The following SMURF1 variants were observed in gnomAD, a reference collection of about 807,000 sequenced individuals.
The protein encoded by SMURF1 is SMAD specific E3 ubiquitin protein ligase 1.
In SMURF1, 44 loss-of-function variants were observed where a neutral mutation model predicts 98.0. The observed-to-expected ratio is 0.45, with a 90% CI of 0.35 to 0.58. The LOEUF is 0.58. SMURF1 is among the 20% of genes least tolerant of loss of function. The pLI, the probability that SMURF1 is intolerant of heterozygous loss-of-function variation, is 0.00. For missense variants in SMURF1, 687 were observed against 938.4 expected, an observed-to-expected ratio of 0.73 and a Z score of 3.50; for synonymous variants, 396 against 374.9, an observed-to-expected ratio of 1.06 and a Z score of -0.65.
chr7:99,141,927 A>G (rs1798127241), intron 1 of SMURF1, among the ~76,000 whole-genome samples: 1 of 152,234 alleles, frequency 6.6e-6, no homozygotes, highest in African/African-American at 2.4e-5. Context: ...GGGGATTAGA[A>G]TGAACTTTTT....
intron 1 of SMURF1, among the ~76,000 whole-genome samples, chr7:99,089,087 C>T (rs1796745867): frequency 6.6e-6 from 1 of 151,968 alleles, no homozygotes; most frequent in Admixed American, 6.5e-5. Context: ...GCCTGTAATC[C>T]CAGCTACTCA....
intron 1 of SMURF1, among the ~76,000 whole-genome samples, chr7:99,129,256 C>G (rs1400787811): frequency 6.6e-6 from 1 of 152,192 alleles, no homozygotes; most frequent in Non-Finnish European, 1.5e-5. Context: ...AAGCGGTCAT[C>G]TTAGATTCAT....
chr7:99,037,052 A>C lies in SMURF1; in HGVS notation c.1809+15T>G, dbSNP rs1044981115. On this transcript the variant is annotated intron_variant, in intron 15 of 17. Coordinates refer to ENST00000361368, the MANE Select transcript of SMURF1 (RefSeq NM_181349.3). ...CAGGGACGCCCTGGGTCGACTCCGC[A>C]CAGCAGGCACATACCTCCAGTTCCT... 1.2e-6 allele frequency: 2 copies of C among 1,613,466 alleles called. No homozygotes were observed. Among genetic ancestry groups the C allele is most frequent in the African/African-American group, 2.7e-5 (2 of 75,040 alleles).
chr7:99,093,745 A>G (rs750968334), intron 1 of SMURF1, among the ~76,000 whole-genome samples: 76 of 152,052 alleles, frequency 5.0e-4, no homozygotes, highest in Non-Finnish European at 4.7e-4. Flanking sequence ...GGCACTCTAT[A>G]TATGCACTTT....
At chr7:99,070,484 C>T (rs891023538) in intron 1 of SMURF1, among the ~76,000 whole-genome samples, 1 of 152,176 alleles carries the variant, frequency 6.6e-6, no homozygotes, top group African/African-American at 2.4e-5. Context: ...CTTTGCAGAG[C>T]CTGAAATTAA....
At chr7:99,057,665 T>G (rs781154944) in intron 3 of SMURF1, 114 bp from the exon 4 acceptor site, 306 of 1,269,634 alleles carry the variant, frequency 2.4e-4, no homozygotes, top group Non-Finnish European at 2.8e-4. Flanking sequence ...AGTGCAGTTG[T>G]GTGATCTCAG....
chr7:99,092,356 T>C (rs1007556458), intron 1 of SMURF1, among the ~76,000 whole-genome samples: 2 of 152,248 alleles, frequency 1.3e-5, no homozygotes, highest in African/African-American at 4.8e-5. Flanking sequence ...TCATTATTCC[T>C]GGATTCTGTA....
intron 1 of SMURF1, among the ~76,000 whole-genome samples, chr7:99,140,687 G>T (rs1798100640): frequency 6.6e-6 from 1 of 152,168 alleles, no homozygotes; most frequent in Non-Finnish European, 1.5e-5. Context: ...AAAGTGCTGG[G>T]ATTCAGGCGT....
intron 3 of SMURF1, 91 bp downstream of exon 3, chr7:99,060,507 CT>C (rs11311529): frequency 0.42 from 237,448 of 560,674 alleles, 24,235 homozygotes; most frequent in Admixed American, 0.52. Context: ...AAAAGTCATC[CT>C]TTTTTTTTTT....
intron 16 of SMURF1, among the ~76,000 whole-genome samples, chr7:99,034,820 G>GAATT (rs1225161352): frequency 6.6e-6 from 1 of 152,166 alleles, no homozygotes; most frequent in East Asian, 1.9e-4. Context: ...GACTGAAATG[G>GAATT]AATTAACCTC....
rs750669033 is a variant in SMURF1 at position 99,073,602 on chromosome 7, C to CA, written c.56-11766dup. On this transcript the variant is annotated intron_variant, in intron 1 of 17. Coordinates refer to ENST00000361368, the MANE Select transcript of SMURF1 (RefSeq NM_181349.3). ...CAACATGGTGAAACCCCGTCTCTAC[C>CA]AAAAATATAAAGAATTAGCTGGGTA... Among the ~76,000 whole-genome samples, 132 of 151,616 alleles carry CA rather than the reference C, an allele frequency of 8.7e-4. 1 individual carries two copies. The highest frequency in any genetic ancestry group is 1.4e-3 in the Admixed American group (21 of 15,234).
chr7:99,035,820 G>A, intron 15 of SMURF1, 104 bp from the exon 16 acceptor site: 2 of 1,097,232 alleles, frequency 1.8e-6, no homozygotes, highest in Non-Finnish European at 2.7e-6. Context: ...CGATTCCCAA[G>A]CAAAGCAGCA....
intron 1 of SMURF1, among the ~76,000 whole-genome samples, chr7:99,090,620 C>A (rs1471069810): frequency 6.6e-6 from 1 of 152,162 alleles, no homozygotes; most frequent in Non-Finnish European, 1.5e-5. Context: ...CCCCCACCCA[C>A]ATTTATCATT....
At chr7:99,078,426 G>A (rs889115938) in intron 1 of SMURF1, among the ~76,000 whole-genome samples, 5 of 152,130 alleles carry the variant, frequency 3.3e-5, no homozygotes, top group African/African-American at 1.2e-4. Context: ...CAATAGTAAT[G>A]ACAGAATAGA....
intron 14 of SMURF1, among the ~76,000 whole-genome samples, 198 bp downstream of exon 14, chr7:99,038,190 C>T (rs1175812414): frequency 1.3e-5 from 2 of 152,322 alleles, no homozygotes; most frequent in East Asian, 3.9e-4. Context: ...GGCCTGGCCC[C>T]ATCAGGGCCC....
chr7:99,142,454 CA>C (rs1202685707), intron 1 of SMURF1, among the ~76,000 whole-genome samples: 2 of 151,472 alleles, frequency 1.3e-5, no homozygotes, highest in Non-Finnish European at 2.9e-5. Flanking sequence ...AGGGCTGGAC[CA>C]GGGGGAAGTG....
In SMURF1 at chr7:99,035,505, C is replaced by T. The variant is rs773637155; in HGVS notation, c.2011+10G>A. The T allele has an allele frequency of 6.2e-6, 10 of 1,614,064 alleles. No homozygotes were observed. The highest frequency in any genetic ancestry group is 5.5e-5 in the South Asian group (5 of 91,074). On this transcript the variant is annotated intron_variant, in intron 16 of 17. Coordinates refer to ENST00000361368, the MANE Select transcript of SMURF1 (RefSeq NM_181349.3). ...GCGTCATCGAATAGCCCTGCCTCCACGTCAGTCACCTTGCAAAGCCTTGAA... is the reference window on the plus strand; with the variant it reads ...GCGTCATCGAATAGCCCTGCCTCCATGTCAGTCACCTTGCAAAGCCTTGAA...
At chr7:99,117,414 T>C (rs1438866569) in intron 1 of SMURF1, among the ~76,000 whole-genome samples, 5 of 152,214 alleles carry the variant, frequency 3.3e-5, no homozygotes, top group Admixed American at 3.3e-4. Flanking sequence ...GATAGCATGA[T>C]CTCAGCTCAC....
At chr7:99,090,628 A>C (rs1400564432) in intron 1 of SMURF1, among the ~76,000 whole-genome samples, 2 of 152,182 alleles carry the variant, frequency 1.3e-5, no homozygotes, top group Non-Finnish European at 2.9e-5. Context: ...CACATTTATC[A>C]TTAAATGTTC....
Sources: allele counts gnomAD v4.1 joint callset (sites outside exome capture counted in the v4.1 genomes callset), GRCh38; gene constraint gnomAD v4.1.1; transcripts MANE v1.5; gene names NCBI Gene and HGNC (gene_info 2026-07-23, HGNC 2026-07-21).